The following GBE1 variants were observed in gnomAD, a reference collection of about 807,000 sequenced individuals.
GBE1 encodes 1,4-alpha-glucan branching enzyme 1, also known as 1,4-alpha-glucan-branching enzyme.
A neutral mutation model predicts 88.8 loss-of-function variants in GBE1; 70 were observed. That is an observed-to-expected ratio of 0.79 (90% CI 0.65 to 0.96). GBE1 has a LOEUF of 0.96. Among genes scored for constraint, GBE1 ranks in the 40% least tolerant of loss-of-function variants. The pLI, the probability that GBE1 is intolerant of heterozygous loss-of-function variation, is 0.00. For missense variants in GBE1, 872 were observed against 871.0 expected, an observed-to-expected ratio of 1.00 and a Z score of -0.01; for synonymous variants, 284 against 300.1, an observed-to-expected ratio of 0.95 and a Z score of 0.56.
chr3:81,606,688 C>A (rs896298844), intron 7 of GBE1, among the ~76,000 whole-genome samples: 4 of 152,188 alleles, frequency 2.6e-5, no homozygotes, highest in Non-Finnish European at 5.9e-5. Context: ...TGAGTCAGAC[C>A]CTAGCCAAAT....
rs1467905687 is a variant in GBE1 at position 81,750,547 on chromosome 3, ATATG to A, written c.143+10824_143+10827del. Among the ~76,000 whole-genome samples the A allele has an allele frequency of 9.0e-4, 77 of 85,200 alleles. 6 individuals are homozygous for A. Among genetic ancestry groups the A allele is most frequent in the Middle Eastern group, 5.3e-3 (1 of 190 alleles). 55.9% of individuals were successfully genotyped at this position (85,200 alleles called of 152,430 possible). On this transcript the variant is annotated intron_variant, in intron 1 of 15. Coordinates refer to ENST00000429644, the MANE Select transcript of GBE1 (RefSeq NM_000158.4). ...TTCATATATATATATACGTATATAT[ATATG>A]TATATATATATGTATATATATATAC...
At chr3:81,704,394 G>A (rs1705742136) in intron 2 of GBE1, among the ~76,000 whole-genome samples, 1 of 151,878 alleles carries the variant, frequency 6.6e-6, no homozygotes, top group Admixed American at 6.6e-5. Context: ...TATAAATGTT[G>A]ATAAATTCAT....
intron 1 of GBE1, among the ~76,000 whole-genome samples, chr3:81,708,724 G>A (rs543152047): frequency 6.6e-6 from 1 of 151,938 alleles, no homozygotes; most frequent in Admixed American, 6.6e-5. Flanking sequence ...ATTCTTTATG[G>A]CACTATTTAT....
At chr3:81,529,960 C>A (rs1206606619) in intron 14 of GBE1, among the ~76,000 whole-genome samples, 2 of 151,836 alleles carry the variant, frequency 1.3e-5, no homozygotes, top group Non-Finnish European at 2.9e-5. Context: ...AGGCCAATCA[C>A]TTTTAGATTT....
At chr3:81,746,030 G>A (rs1437155261) in intron 1 of GBE1, among the ~76,000 whole-genome samples, 1 of 152,182 alleles carries the variant, frequency 6.6e-6, no homozygotes, top group African/African-American at 2.4e-5. Flanking sequence ...ACTGACATTA[G>A]TTAAGATTTA....
chr3:81,516,127 T>C (rs1332501511), intron 14 of GBE1, among the ~76,000 whole-genome samples: 1 of 151,704 alleles, frequency 6.6e-6, no homozygotes. Flanking sequence ...CAGGCTTCCA[T>C]TGAAAGATGC....
At position 81,642,824 on chromosome 3, in the gene GBE1, C is replaced by T. The variant is rs1704705028; in HGVS notation, c.949G>A (p.Gly317Arg). 2.5e-6 allele frequency: 4 copies of T among 1,613,320 alleles called. No homozygotes were observed. Among genetic ancestry groups the T allele is most frequent in the Non-Finnish European group, 3.4e-6 (4 of 1,179,412 alleles). ...DSCYFHSGPR[G>R]THDLWDSRLF... ...CTGCTATCCCAAAGATCATGAGTCCCTCTAGGTCCAGAATGAAAATAACAG... is the reference window on the plus strand; with the variant it reads ...CTGCTATCCCAAAGATCATGAGTCCTTCTAGGTCCAGAATGAAAATAACAG... The change falls in exon 7 of 16, where the codon GGG becomes AGG. Residue 317 changes from glycine to arginine, a missense_variant. Coordinates refer to ENST00000429644, the MANE Select transcript of GBE1 (RefSeq NM_000158.4).
chr3:81,655,634 A>C (rs1376732178), intron 3 of GBE1, among the ~76,000 whole-genome samples: 2 of 152,078 alleles, frequency 1.3e-5, no homozygotes, highest in African/African-American at 4.8e-5. Context: ...CTCCTGCCTC[A>C]GCCTCCTGAG....
chr3:81,512,731 G>A (rs184028595), intron 14 of GBE1, among the ~76,000 whole-genome samples: 3 of 151,858 alleles, frequency 2.0e-5, no homozygotes, highest in African/African-American at 4.8e-5. Context: ...GTAGATTGAG[G>A]ACAAAAAATG....
chr3:81,675,598 A>G (rs2107121661), intron 2 of GBE1, among the ~76,000 whole-genome samples: 1 of 152,206 alleles, frequency 6.6e-6, no homozygotes, highest in East Asian at 1.9e-4. Context: ...AACAAAATGA[A>G]TAAAAATTTA....
At chr3:81,631,456 A>AC (rs1704507017) in intron 7 of GBE1, among the ~76,000 whole-genome samples, 1 of 151,928 alleles carries the variant, frequency 6.6e-6, no homozygotes, top group Non-Finnish European at 1.5e-5. Flanking sequence ...TTTAACAATG[A>AC]CCAGGCGTGG....
intron 2 of GBE1, among the ~76,000 whole-genome samples, chr3:81,695,092 A>C (rs984078144): frequency 6.6e-6 from 1 of 152,204 alleles, no homozygotes; most frequent in Non-Finnish European, 1.5e-5. Context: ...TCATTAGAGA[A>C]ACACTACATT....
At chr3:81,560,195 T>C (rs1463238037) in intron 12 of GBE1, among the ~76,000 whole-genome samples, 1 of 151,522 alleles carries the variant, frequency 6.6e-6, no homozygotes, top group African/African-American at 2.4e-5. Context: ...TAAGCTGATC[T>C]AAAAAAAAAT....
chr3:81,677,454 C>T (rs558708496), intron 2 of GBE1, among the ~76,000 whole-genome samples: 11 of 152,298 alleles, frequency 7.2e-5, no homozygotes, highest in African/African-American at 2.2e-4. Flanking sequence ...CCTTCCTCAT[C>T]ATATGATGTC....
rs1576155551 is a variant in GBE1, at chr3:81,575,662, C to T, written c.1618+2263G>A. On this transcript the variant is annotated intron_variant, in intron 12 of 15. Coordinates refer to ENST00000429644, the MANE Select transcript of GBE1 (RefSeq NM_000158.4). Reference sequence around the variant, plus strand: ...TAGAAATGCCTAAAAGATAAGTAAACAATCAAGTTGTTTCTTAGTTTTGAA... The same window carrying T: ...TAGAAATGCCTAAAAGATAAGTAAATAATCAAGTTGTTTCTTAGTTTTGAA... 3.3e-5 allele frequency among the ~76,000 whole-genome samples: 5 copies of T among 151,984 alleles called. No individual in the cohort carries two copies. In the East Asian group the frequency reaches 9.6e-4, roughly 29 times the overall value.
At chr3:81,708,973 C>G (rs1473515035) in intron 1 of GBE1, among the ~76,000 whole-genome samples, 1 of 152,092 alleles carries the variant, frequency 6.6e-6, no homozygotes, top group Admixed American at 6.6e-5. Flanking sequence ...TTATGAGGAG[C>G]TGACCCCACA....
In GBE1 at chr3:81,568,473, T is replaced by G. The variant is rs1413569988; in HGVS notation, c.1618+9452A>C. 6.5e-5 allele frequency among the ~76,000 whole-genome samples: 5 copies of G among 77,334 alleles called. No homozygotes were observed. The East Asian group carries it at 3.1e-3, about 48-fold the overall frequency. The allele number at this position is 77,334 out of a possible 152,430, so 50.7% of individuals were successfully genotyped here. A position where few individuals can be genotyped will look rare whatever the true frequency, so the allele number is the denominator to read the frequency against. On this transcript the variant is annotated intron_variant, in intron 12 of 15. Coordinates refer to ENST00000429644, the MANE Select transcript of GBE1 (RefSeq NM_000158.4). ...TGTGTCACTTATCATTTGCAGGTTTTTTATTTGTTTTGTTTTGTTTTGCCA... is the reference window on the plus strand; with the variant it reads ...TGTGTCACTTATCATTTGCAGGTTTGTTATTTGTTTTGTTTTGTTTTGCCA...
chr3:81,649,670 T>A, intron 4 of GBE1, 126 bp downstream of exon 4: 1 of 676,182 alleles, frequency 1.5e-6, no homozygotes. Flanking sequence ...AGGAATACTA[T>A]GATGTAAAAT....
chr3:81,752,560 T>C (rs1367110151), intron 1 of GBE1, among the ~76,000 whole-genome samples: 2 of 152,202 alleles, frequency 1.3e-5, no homozygotes, highest in Non-Finnish European at 2.9e-5. Context: ...CCTCTCTCAA[T>C]AAAAGGAGCT....
Sources: allele counts gnomAD v4.1 joint callset (sites outside exome capture counted in the v4.1 genomes callset), GRCh38; gene constraint gnomAD v4.1.1; transcripts MANE v1.5; gene names NCBI Gene and HGNC (gene_info 2026-07-23, HGNC 2026-07-21).